PLA2R1: variants seen among roughly 807,000 people sequenced by gnomAD.
PLA2R1 encodes the protein phospholipase A2 receptor 1, also known as secretory phospholipase A2 receptor.
In PLA2R1, 158 loss-of-function variants were observed where a neutral mutation model predicts 195.9. The observed-to-expected ratio is 0.81, with a 90% confidence interval of 0.71 to 0.92. The LOEUF (loss-of-function observed/expected upper bound fraction) is 0.92. Ranked by LOEUF, PLA2R1 falls within the 40% of genes least tolerant of loss-of-function variation. The pLI, the probability that PLA2R1 is intolerant of heterozygous loss-of-function variation, is 0.00. For missense variants in PLA2R1, 1,626 were observed against 1,764.6 expected, an observed-to-expected ratio of 0.92 and a Z score of 1.41; for synonymous variants, 586 against 598.2, an observed-to-expected ratio of 0.98 and a Z score of 0.30.
chr2:160,051,507 T>C (rs1212944559), intron 1 of PLA2R1, among the ~76,000 whole-genome samples: 1 of 152,222 alleles, frequency 6.6e-6, no homozygotes, highest in Non-Finnish European at 1.5e-5. Context: ...CTCTCCTCTG[T>C]AACCAATCTG....
rs965290 is a variant in PLA2R1, at chr2:160,032,965, T to C, written c.835A>G (p.Ile279Val). The C allele has an allele frequency of 1.3e-3, 2,060 of 1,608,554 alleles. 25 individuals are homozygous for C. In the African/African-American group the frequency reaches 0.024, roughly 19 times the overall value. ...GCGTCATCCACCTACTTACCCCTTA[T>C]GAAATTTTCTTCAGTTTCATCTGTA... Reference protein sequence around the residue: ...SITDETEENFIREHMSSKTVE... With the variant: ...SITDETEENFVREHMSSKTVE... Residue 279 changes from isoleucine (I) to valine (V), a missense_variant, in exon 4 of 30, where the codon ATA (isoleucine) becomes GTA (valine). By Grantham distance (29) the Ile-to-Val change is conservative. Transcript: ENST00000283243.
the PLA2R1 span, among the ~76,000 whole-genome samples, chr2:159,926,526 G>A: frequency 1.3e-5 from 2 of 152,262 alleles, no homozygotes; most frequent in Admixed American, 1.3e-4. Flanking sequence ...TTATGTTGTT[G>A]TGTTGGAAAA....
At chr2:159,974,675 G>T (rs1395830661) in intron 17 of PLA2R1, among the ~76,000 whole-genome samples, 1 of 152,112 alleles carries the variant, frequency 6.6e-6, no homozygotes, top group Non-Finnish European at 1.5e-5. Context: ...CGTAAGAGTG[G>T]AAGGGTGACA....
intron 1 of PLA2R1, among the ~76,000 whole-genome samples, chr2:160,051,078 T>C (rs924206959): frequency 6.6e-6 from 1 of 152,216 alleles, no homozygotes; most frequent in South Asian, 2.1e-4. Flanking sequence ...AAAAACACTT[T>C]AAAGAAACAA....
At chr2:159,971,181 G>A (rs950360433) in intron 17 of PLA2R1, among the ~76,000 whole-genome samples, 2 of 152,048 alleles carry the variant, frequency 1.3e-5, no homozygotes, top group Non-Finnish European at 2.9e-5. Flanking sequence ...AAATTAAACT[G>A]TATAACAAAA....
At position 159,938,088 on chromosome 2, in the gene PLA2R1, T is replaced by A. The variant is rs1307375621; in HGVS notation, c.*3690A>T. The A allele has an allele frequency of 4.6e-5, 7 of 152,198 alleles. No homozygotes were observed. Among genetic ancestry groups the A allele is most frequent in the African/African-American group, 1.7e-4 (7 of 41,448 alleles). 9.4% of individuals were successfully genotyped at this position (152,198 alleles called of 1,614,324 possible). On this transcript the variant is annotated 3_prime_UTR_variant, in exon 30 of 30. Coordinates refer to ENST00000283243, the MANE Select transcript of PLA2R1 (RefSeq NM_007366.5). ...AAATATACATGAAGATTCTGGAAAT[T>A]AAGTTTCTTAAATACCCATGCTCCT... is the stretch of plus-strand genomic sequence containing the variant.
chr2:160,049,136 C>T (rs964671863), intron 1 of PLA2R1, among the ~76,000 whole-genome samples: 8 of 152,038 alleles, frequency 5.3e-5, no homozygotes, highest in African/African-American at 1.2e-4. Context: ...CCACCGCGCC[C>T]GGCCAGAAGA....
At chr2:160,023,837 C>T (rs1693314710) in intron 6 of PLA2R1, among the ~76,000 whole-genome samples, 1 of 152,172 alleles carries the variant, frequency 6.6e-6, no homozygotes, top group African/African-American at 2.4e-5. Context: ...TGCTGGAGCA[C>T]ATCAAGGGAG....
In PLA2R1 at chr2:159,944,764, T is replaced by C. The variant is rs535821156; in HGVS notation, c.4144+142A>G. 213 of 556,460 alleles carry C rather than the reference T, an allele frequency of 3.8e-4. 1 individual carries two copies. The highest frequency in any genetic ancestry group is 2.6e-3 in the South Asian group (87 of 33,548). 34.5% of individuals were successfully genotyped at this position (556,460 alleles called of 1,614,324 possible). A position where few individuals can be genotyped will look rare whatever the true frequency, so the allele number is the denominator to read the frequency against. On this transcript the variant is annotated intron_variant, in intron 28 of 29. Coordinates refer to ENST00000283243, the MANE Select transcript of PLA2R1 (RefSeq NM_007366.5). ...GAGCTGAACTATTCTCTGACTTGTT[T>C]GGTGCAGAACACAACAATAATGTCA...
chr2:160,060,373 A>ATGTTAAGATTTTGTTTTTCCATTT (rs1302135776), intron 1 of PLA2R1, among the ~76,000 whole-genome samples: 14 of 152,192 alleles, frequency 9.2e-5, no homozygotes, highest in Non-Finnish European at 1.2e-4. Context: ...GTTCTTTTCA[A>ATGTTAAGATTTTGTTTTTCCATTT]TGTTAAGATT....
Position 160,062,434 on chromosome 2 carries a change from T to C in PLA2R1, c.-31A>G, listed in dbSNP as rs539421946. ...ACCACTGGGCTCTCCGGGAGCCCCTTGTCCCGGGAGCCCCTTATCCCGGGA... is the reference window on the plus strand; with the variant it reads ...ACCACTGGGCTCTCCGGGAGCCCCTCGTCCCGGGAGCCCCTTATCCCGGGA... On this transcript the variant is annotated 5_prime_UTR_variant, in exon 1 of 30. Transcript: ENST00000283243. 2.4e-4 allele frequency: 372 copies of C among 1,520,376 alleles called. 2 individuals carry two copies. The African/African-American group carries it at 4.9e-3, about 20-fold the overall frequency. 94.2% of individuals were successfully genotyped at this position (1,520,376 alleles called of 1,614,324 possible).
chr2:160,014,433 T>C (rs2221808), intron 9 of PLA2R1, among the ~76,000 whole-genome samples: 54,156 of 151,828 alleles, frequency 0.36, 12,136 homozygotes, highest in Non-Finnish European at 0.49. Context: ...GTGCCCGATC[T>C]CATCTGAAAT....
chr2:160,056,012 C>CA (rs1695513683), intron 1 of PLA2R1, among the ~76,000 whole-genome samples: 1 of 152,086 alleles, frequency 6.6e-6, no homozygotes, highest in Non-Finnish European at 1.5e-5. Flanking sequence ...TTCTTCCCCC[C>CA]ATTCACCATG....
At chr2:160,011,239 G>A (rs993719663) in intron 10 of PLA2R1, among the ~76,000 whole-genome samples, 1 of 152,128 alleles carries the variant, frequency 6.6e-6, no homozygotes, top group East Asian at 1.9e-4. Flanking sequence ...ACAGATTTCT[G>A]CCTTAGCTTG....
chr2:159,945,427 C>T (rs1350671467), intron 27 of PLA2R1, among the ~76,000 whole-genome samples: 3 of 151,920 alleles, frequency 2.0e-5, no homozygotes, highest in Non-Finnish European at 4.4e-5. Context: ...CAATTCCCAC[C>T]TATGAGTGAG....
rs1686627940 is a variant in PLA2R1 at position 159,932,421 on chromosome 2, C to G, written c.*9357G>C. The G allele has an allele frequency of 6.6e-6, 1 of 152,294 alleles. No individual in the cohort carries two copies. The highest frequency in any genetic ancestry group is 1.5e-5 in the Non-Finnish European group (1 of 68,106). 9.4% of individuals were successfully genotyped at this position (152,294 alleles called of 1,614,324 possible). Reference sequence around the variant, plus strand: ...GCTCTGTCCTGAAGTTTGTCCTCAGCCTCCACAGAACCACATTTTGGGCTA... The same window carrying G: ...GCTCTGTCCTGAAGTTTGTCCTCAGGCTCCACAGAACCACATTTTGGGCTA... On this transcript the variant is annotated 3_prime_UTR_variant, in exon 30 of 30. Coordinates refer to ENST00000283243, the MANE Select transcript of PLA2R1 (RefSeq NM_007366.5).
chr2:160,050,406 G>A (rs756103395), intron 1 of PLA2R1, among the ~76,000 whole-genome samples: 1 of 152,154 alleles, frequency 6.6e-6, no homozygotes, highest in Non-Finnish European at 1.5e-5. Flanking sequence ...GAGCTGGATG[G>A]AACTGTAAAG....
chr2:159,968,209 C>G lies in PLA2R1; in HGVS notation c.2765-531G>C, dbSNP rs59737318. Among the ~76,000 whole-genome samples, 1,438 of 151,408 alleles carry G rather than the reference C, an allele frequency of 9.5e-3. 18 individuals carry two copies. The highest frequency in any genetic ancestry group is 0.034 in the African/African-American group (1,383 of 41,232). ...CTTCAGTAAGAAATATCCTCAAATC[C>G]TTAGCCTCCGACAAACTAACTGCTT... On this transcript the variant is annotated intron_variant, in intron 19 of 29. Coordinates refer to ENST00000283243, the MANE Select transcript of PLA2R1 (RefSeq NM_007366.5).
the PLA2R1 span, among the ~76,000 whole-genome samples, chr2:159,926,674 C>T: frequency 1.3e-5 from 2 of 152,136 alleles, no homozygotes; most frequent in East Asian, 1.9e-4. Flanking sequence ...GTGGCTCACT[C>T]GAAGTGGTCA....
Sources: allele counts gnomAD v4.1 joint callset (sites outside exome capture counted in the v4.1 genomes callset), GRCh38; gene constraint gnomAD v4.1.1; transcripts MANE v1.5; gene names NCBI Gene and HGNC (gene_info 2026-07-23, HGNC 2026-07-21).